The following TLR10 variants were observed in gnomAD, a reference collection of about 807,000 sequenced individuals.
The protein encoded by TLR10 is toll like receptor 10.
For synonymous variants in TLR10, 288 were observed against 338.8 expected (o/e 0.85, Z 1.65); for missense variants, 929 against 932.9 (o/e 1.00, Z 0.05).
chr4:38,774,940 T>C lies in TLR10; in HGVS notation c.651A>G (p.Leu217=). 1 of 1,612,708 alleles carries C rather than the reference T, an allele frequency of 6.2e-7. No individual in the cohort carries two copies. The highest frequency in any genetic ancestry group is 1.1e-5 in the South Asian group (1 of 90,456). ...TTTTGCCATCTATATTTGTCATTTC[T>C]AATATTTTTGAAGTCTTGATTCCAT... ...LRDGIKTSKI[L]EMTNIDGKSQ... is the part of the protein sequence containing the mutation. The change falls in exon 4 of 4, where the codon TTA becomes TTG. Residue 217 remains leucine, a synonymous_variant. Transcript: ENST00000308973.
chr4:38,779,233 T>C (rs1023890783), intron 1 of TLR10, among the ~76,000 whole-genome samples: 15 of 152,260 alleles, frequency 9.9e-5, no homozygotes, highest in African/African-American at 3.6e-4. Flanking sequence ...ATTATCCACA[T>C]TGATCATATA....
At chr4:38,781,492 A>G (rs9995881) in intron 1 of TLR10, among the ~76,000 whole-genome samples, 24,259 of 152,032 alleles carry the variant, frequency 0.16, 2,757 homozygotes, top group South Asian at 0.34. Flanking sequence ...CTGCCATCAC[A>G]CCCGGCTAAT....
At position 38,776,284 on chromosome 4, in the gene TLR10, G is replaced by T; in HGVS notation, c.-426C>A. ...TGCCAGCTTCTCCACAGATAGGCAT[G>T]GTGTTAGTCATTAAAAGAAAGATCT... On this transcript the variant is annotated 5_prime_UTR_variant, in exon 2 of 4. Transcript: ENST00000308973. 4.5e-6 allele frequency: 1 copy of T among 220,962 alleles called. No individual in the cohort carries two copies. Among genetic ancestry groups the T allele is most frequent in the South Asian group, 8.2e-5 (1 of 12,210 alleles). The allele number at this position is 220,962 out of a possible 1,614,324, so 13.7% of individuals were successfully genotyped here. A position where few individuals can be genotyped will look rare whatever the true frequency, so the allele number is the denominator to read the frequency against.
Position 38,774,672 on chromosome 4 carries a change from C to T in TLR10, c.919G>A (p.Val307Ile), listed in dbSNP as rs377008091. 37 of 1,562,916 alleles carry T rather than the reference C, an allele frequency of 2.4e-5. No homozygotes were observed. The African/African-American group carries it at 4.8e-4, about 20-fold the overall frequency. Residue 307 changes from valine to isoleucine, a missense_variant, in exon 4 of 4, where the codon GTA (valine) becomes ATA (isoleucine). Coordinates refer to ENST00000308973, the MANE Select transcript of TLR10 (RefSeq NM_030956.4). ...TGAATGTAAAACACTCTGAAATGTA[C>T]ATGCTCCAATTTTATAGTTCTCATT... Reference protein sequence around the residue: ...TVMRTIKLEHVHFRVFYIQQD... With the variant: ...TVMRTIKLEHIHFRVFYIQQD...
chr4:38,774,245 T>C lies in TLR10; in HGVS notation c.1346A>G (p.Asp449Gly), dbSNP rs1724870321. The C allele has an allele frequency of 6.2e-7, 1 of 1,613,880 alleles. No homozygotes were observed. Among genetic ancestry groups the C allele is most frequent in the African/African-American group, 1.3e-5 (1 of 74,940 alleles). ...RCLPKSIQIL[D>G]LNNNQIQTVP... is the part of the protein sequence containing the mutation. ...AGTTTGGATTTGGTTATTATTTAGG[T>C]CAAGTATTTGAATACTTTTGGGCAA... The change falls in exon 4 of 4, where the codon GAC becomes GGC. Residue 449 changes from aspartate to glycine, a missense_variant. Physicochemically the swap from Asp to Gly is moderately conservative, Grantham distance 94 (BLOSUM62 -1). Transcript: ENST00000308973.
rs1012535540 is a variant in TLR10 at position 38,774,118 on chromosome 4, T to C, written c.1473A>G (p.Ser491=). Reference sequence around the variant, plus strand: ...TGAAGTTCATTTCAATGTTCAGAACTGAAAGTCTACTGAAATGACTGCATC... The same window carrying C: ...TGAAGTTCATTTCAATGTTCAGAACCGAAAGTCTACTGAAATGACTGCATC... ...LPGCSHFSRL[S]VLNIEMNFIL... Residue 491 remains serine, a synonymous_variant, in exon 4 of 4, where the codon TCA becomes TCG. Transcript: ENST00000308973. 3 of 1,610,824 alleles carry C rather than the reference T, an allele frequency of 1.9e-6. No individual in the cohort carries two copies. The highest frequency in any genetic ancestry group is 3.3e-4 in the Middle Eastern group (2 of 6,054).
chr4:38,780,403 C>CAAAAAAAA (rs531723110), intron 1 of TLR10, among the ~76,000 whole-genome samples: 18,473 of 139,426 alleles, frequency 0.13, 1,642 homozygotes, highest in East Asian at 0.32. Flanking sequence ...GACTCAGTTT[C>CAAAAAAAA]AAAAAAAAAA....
In TLR10 at chr4:38,773,170, T is replaced by C. The variant is rs1272815279; in HGVS notation, c.2421A>G (p.Arg807=). The C allele has an allele frequency of 6.5e-7, 1 of 1,534,602 alleles. No homozygotes were observed. The highest frequency in any genetic ancestry group is 8.7e-7 in the Non-Finnish European group (1 of 1,145,966). Residue 807 remains arginine (R), a synonymous_variant, in exon 4 of 4, where the codon AGA becomes AGG. Coordinates refer to ENST00000308973, the MANE Select transcript of TLR10 (RefSeq NM_030956.4). ...CTGTGGGATTTTATAGACAATCTGT[T>C]CTCATCAGAGAGATTGTAGAACCTC... The part of the protein sequence containing the change: ...ESRGSTISLM[R]TDCL
chr4:38,777,212 G>A (rs6825115), intron 1 of TLR10, among the ~76,000 whole-genome samples: 14,451 of 152,112 alleles, frequency 0.095, 1,169 homozygotes, highest in African/African-American at 0.2. Context: ...GATCAAAAAT[G>A]GCCTCCCTGA....
Position 38,782,981 on chromosome 4 carries a change from A to G in TLR10, c.-629T>C, listed in dbSNP as rs1349200362. The G allele has an allele frequency of 6.6e-6, 1 of 152,212 alleles. No individual in the cohort carries two copies. The highest frequency in any genetic ancestry group is 1.5e-5 in the Non-Finnish European group (1 of 68,040). 9.4% of individuals were successfully genotyped at this position (152,212 alleles called of 1,614,324 possible). ...GCGTGGATGATTCGTTGACACGGTCAGAATTGGCTGCAGGAGGGAATTGAA... is the reference window on the plus strand; with the variant it reads ...GCGTGGATGATTCGTTGACACGGTCGGAATTGGCTGCAGGAGGGAATTGAA... On this transcript the variant is annotated 5_prime_UTR_variant, in exon 1 of 4. Coordinates refer to ENST00000308973, the MANE Select transcript of TLR10 (RefSeq NM_030956.4).
chr4:38,774,989 G>T lies in TLR10; in HGVS notation c.602C>A (p.Thr201Lys), dbSNP rs1254973359. 6.2e-7 allele frequency: 1 copy of T among 1,613,270 alleles called. No individual in the cohort carries two copies. Among genetic ancestry groups the T allele is most frequent in the Admixed American group, 1.7e-5 (1 of 59,832 alleles). Residue 201 changes from threonine (T) to lysine (K), a missense_variant, in exon 4 of 4, where the codon ACA (threonine) becomes AAA (lysine). Physicochemically the swap from Thr to Lys is moderately conservative, Grantham distance 78. Coordinates refer to ENST00000308973, the MANE Select transcript of TLR10 (RefSeq NM_030956.4). ...ATCACGCAAAAGAACCCAGAAATTT[G>T]TGTCCATTGGTAAAACAATGTGCAG... Reference protein sequence around the residue: ...TKLHIVLPMDTNFWVLLRDGI... With the variant: ...TKLHIVLPMDKNFWVLLRDGI...
At position 38,773,409 on chromosome 4, in the gene TLR10, T is replaced by C. The variant is rs1480034605; in HGVS notation, c.2182A>G (p.Ile728Val). The change falls in exon 4 of 4, where the codon ATC becomes GTC. Residue 728 changes from isoleucine (I) to valine (V), a missense_variant. Transcript: ENST00000308973. ...TAGAATGGAATGGGTTCCAGTAAGATAAGAATTATATGATCAGAATTTTCA... is the reference window on the plus strand; with the variant it reads ...TAGAATGGAATGGGTTCCAGTAAGACAAGAATTATATGATCAGAATTTTCA... ...FHENSDHIIL[I>V]LLEPIPFYCI... 1.2e-6 allele frequency: 2 copies of C among 1,613,490 alleles called. No individual in the cohort carries two copies. Among genetic ancestry groups the C allele is most frequent in the Middle Eastern group, 1.7e-4 (1 of 6,054 alleles).
At position 38,773,669 on chromosome 4, in the gene TLR10, C is replaced by A; in HGVS notation, c.1922G>T (p.Ser641Ile). 1 of 1,611,830 alleles carries A rather than the reference C, an allele frequency of 6.2e-7. No homozygotes were observed. Among genetic ancestry groups the A allele is most frequent in the Non-Finnish European group, 8.5e-7 (1 of 1,178,986 alleles). Reference sequence around the variant, plus strand: ...CTTCACCCACAGAGAATCATGTTCACTGTATGAAATAAATGCGTGGAATCG... The same window carrying A: ...CTTCACCCACAGAGAATCATGTTCAATGTATGAAATAAATGCGTGGAATCG... ...NVRFHAFISY[S>I]EHDSLWVKNE... Residue 641 changes from serine to isoleucine, a missense_variant, in exon 4 of 4, where the codon AGT (serine) becomes ATT (isoleucine). Ser to Ile is a moderately radical substitution (Grantham distance 142, BLOSUM62 -2). Transcript: ENST00000308973.
chr4:38,774,419 C>T lies in TLR10; in HGVS notation c.1172G>A (p.Ser391Asn), dbSNP rs1348564929. 9 of 1,613,258 alleles carry T rather than the reference C, an allele frequency of 5.6e-6. No homozygotes were observed. The highest frequency in any genetic ancestry group is 1.3e-5 in the African/African-American group (1 of 75,016). ...CAAGGGTGTGTTGTTAGCAAAGCAA[C>T]TTACTAAAGAAAGTGTCTCCAGTTT... ...GNKLETLSLV[S>N]CFANNTPLEH... Residue 391 changes from serine (S) to asparagine (N), a missense_variant, in exon 4 of 4, where the codon AGT becomes AAT. Coordinates refer to ENST00000308973, the MANE Select transcript of TLR10 (RefSeq NM_030956.4).
rs189663400 is a variant in TLR10, at chr4:38,775,164, G to A, written c.427C>T (p.His143Tyr). 8.7e-6 allele frequency: 14 copies of A among 1,613,896 alleles called. No homozygotes were observed. In the African/African-American group the frequency reaches 1.2e-4, roughly 14 times the overall value. ...CCACTCAAACCTAGGATTTCCAGGT[G>A]TGACATGTTGCCAGCTTCCTCACAG... Reference protein sequence around the residue: ...PICEEAGNMSHLEILGLSGAK... With the variant: ...PICEEAGNMSYLEILGLSGAK... The change falls in exon 4 of 4, where the codon CAC (histidine) becomes TAC (tyrosine). Residue 143 changes from histidine (H) to tyrosine (Y), a missense_variant. Physicochemically the swap from His to Tyr is moderately conservative, Grantham distance 83. Coordinates refer to ENST00000308973, the MANE Select transcript of TLR10 (RefSeq NM_030956.4).
Position 38,774,279 on chromosome 4 carries a change from A to G in TLR10, c.1312T>C (p.Phe438Leu), listed in dbSNP as rs116526434. The change falls in exon 4 of 4, where the codon TTC (phenylalanine) becomes CTC (leucine). Residue 438 changes from phenylalanine to leucine, a missense_variant. Coordinates refer to ENST00000308973, the MANE Select transcript of TLR10 (RefSeq NM_030956.4). The stretch of plus-strand genomic sequence containing the variant: ...TGAATACTTTTGGGCAAGCACCTGA[A>G]GACAGAATCAGACAATTTATTGTAT... Reference protein sequence around the residue: ...LSYNKLSDSVFRCLPKSIQIL... With the variant: ...LSYNKLSDSVLRCLPKSIQIL... 9.0e-5 allele frequency: 146 copies of G among 1,613,456 alleles called. No homozygotes were observed. The African/African-American group carries it at 1.6e-3, about 18-fold the overall frequency.
chr4:38,776,578 A>G (rs530203994), intron 1 of TLR10, among the ~76,000 whole-genome samples, 152 bp from the exon 2 acceptor site: 182 of 152,314 alleles, frequency 1.2e-3, no homozygotes, highest in African/African-American at 3.9e-3. Context: ...AAATTGAAGG[A>G]TATAGAATTC....
rs903258644 is a variant in TLR10, at chr4:38,775,806, G to T, written c.-94C>A. 2 of 414,782 alleles carry T rather than the reference G, an allele frequency of 4.8e-6. No individual in the cohort carries two copies. Among genetic ancestry groups the T allele is most frequent in the Non-Finnish European group, 8.4e-6 (2 of 238,636 alleles). The allele number at this position is 414,782 out of a possible 1,614,324, so 25.7% of individuals were successfully genotyped here. Reference sequence around the variant, plus strand: ...ATTGGGTCTTCGACTTGATCTCAGAGCATTGGCTGAGAAGTCTCCAAGCTG... The same window carrying T: ...ATTGGGTCTTCGACTTGATCTCAGATCATTGGCTGAGAAGTCTCCAAGCTG... On this transcript the variant is annotated 5_prime_UTR_variant, in exon 3 of 4. Coordinates refer to ENST00000308973, the MANE Select transcript of TLR10 (RefSeq NM_030956.4).
intron 1 of TLR10, among the ~76,000 whole-genome samples, chr4:38,780,712 C>A (rs2109323074): frequency 6.6e-6 from 1 of 152,244 alleles, no homozygotes; most frequent in East Asian, 1.9e-4. Flanking sequence ...ATAATGTTTA[C>A]ATGAAATATT....
Sources: gnomAD v4.1 joint callset for allele counts (sites outside exome capture counted in the v4.1 genomes callset) on GRCh38, gnomAD v4.1.1 for gene constraint, MANE v1.5 for transcripts, NCBI Gene and HGNC (gene_info 2026-07-23, HGNC 2026-07-21) for gene names.